Variants in WWOX observed in about 807,000 individuals in gnomAD.
WWOX encodes WW domain containing oxidoreductase, also known as WW domain-containing oxidoreductase.
Under a neutral mutation model 46.2 loss-of-function variants are expected in WWOX, and 69 were observed. That is an observed-to-expected ratio of 1.49 (90% CI 1.23 to 1.82). The LOEUF is 1.82. Among genes scored for constraint, WWOX ranks in the 40% most tolerant of loss-of-function variants. The pLI is 0.00. For missense variants in WWOX, 919 were observed against 542.6 expected (o/e 1.69, Z -6.89); for synonymous variants, 359 against 202.6 (o/e 1.77, Z -6.56).
intron 8 of WWOX, among the ~76,000 whole-genome samples, chr16:78,568,505 G>A (rs561854635): frequency 9.7e-5 from 13 of 134,416 alleles, no homozygotes; most frequent in East Asian, 2.2e-4. Context: ...AGTTGGAGTC[G>A]CACTCTTTCA....
chr16:78,722,830 C>T (rs755487806), intron 8 of WWOX, among the ~76,000 whole-genome samples: 3 of 151,466 alleles, frequency 2.0e-5, no homozygotes, highest in Non-Finnish European at 4.4e-5. Context: ...TGCTTGAGCC[C>T]AGTAGTTCAA....
intron 5 of WWOX, among the ~76,000 whole-genome samples, chr16:78,283,195 C>A (rs1050799738): frequency 6.6e-6 from 1 of 152,162 alleles, no homozygotes; most frequent in African/African-American, 2.4e-5. Context: ...AACATGACAA[C>A]GTGCCTACCT....
At chr16:78,214,214 C>G (rs948327533) in intron 5 of WWOX, among the ~76,000 whole-genome samples, 7 of 152,166 alleles carry the variant, frequency 4.6e-5, no homozygotes, top group African/African-American at 1.7e-4. Context: ...CCCAAAGTCA[C>G]CGCAGCTCCT....
At chr16:78,417,040 G>GTGTGTGTGT (rs1555535317) in intron 6 of WWOX, among the ~76,000 whole-genome samples, 1 of 151,264 alleles carries the variant, frequency 6.6e-6, no homozygotes, top group African/African-American at 2.4e-5. Context: ...ACCCTTTGGG[G>GTGTGTGTGT]GTGTGTGTGT....
At chr16:78,368,850 G>A (rs796354528) in intron 5 of WWOX, among the ~76,000 whole-genome samples, 15 of 152,350 alleles carry the variant, frequency 9.8e-5, no homozygotes, top group African/African-American at 3.6e-4. Context: ...CTGTGCCGGT[G>A]CCCAAACCAG....
chr16:78,523,435 T>C (rs899727312), intron 8 of WWOX, among the ~76,000 whole-genome samples: 5 of 152,172 alleles, frequency 3.3e-5, no homozygotes, highest in Non-Finnish European at 2.9e-5. Flanking sequence ...CATCCGGTAA[T>C]TACCGAATCA....
chr16:78,850,798 G>C (rs1597719832), intron 8 of WWOX, among the ~76,000 whole-genome samples: 1 of 152,172 alleles, frequency 6.6e-6, no homozygotes, highest in East Asian at 1.9e-4. Flanking sequence ...CCTGGTCTTT[G>C]AGCCCCACTG....
intron 8 of WWOX, among the ~76,000 whole-genome samples, chr16:78,473,543 C>T (rs534066672): frequency 6.9e-6 from 1 of 144,832 alleles, no homozygotes; most frequent in African/African-American, 2.8e-5. Context: ...TTTGCCAACA[C>T]CCAGGTGAGC....
At chr16:78,590,541 C>T (rs1158028842) in intron 8 of WWOX, among the ~76,000 whole-genome samples, 1 of 152,198 alleles carries the variant, frequency 6.6e-6, no homozygotes, top group Non-Finnish European at 1.5e-5. Flanking sequence ...ACATTGAAAA[C>T]ACAAAGTGTA....
At chr16:78,361,774 G>A (rs769988389) in intron 5 of WWOX, among the ~76,000 whole-genome samples, 4 of 151,974 alleles carry the variant, frequency 2.6e-5, no homozygotes, top group Non-Finnish European at 5.9e-5. Context: ...ACCATGCCCA[G>A]CTAATTTTTA....
At chr16:78,372,737 A>G (rs1318499827) in intron 5 of WWOX, among the ~76,000 whole-genome samples, 2 of 152,168 alleles carry the variant, frequency 1.3e-5, no homozygotes, top group East Asian at 3.8e-4. Flanking sequence ...TAATTTCTTA[A>G]TAATCTTATA....
chr16:78,643,064 C>T (rs2046757862), intron 8 of WWOX, among the ~76,000 whole-genome samples: 2 of 152,056 alleles, frequency 1.3e-5, no homozygotes, highest in African/African-American at 4.8e-5. Flanking sequence ...TGCTGTTAAC[C>T]CCAACTAGAT....
At chr16:78,774,959 G>C (rs1235122441) in intron 8 of WWOX, among the ~76,000 whole-genome samples, 3 of 152,146 alleles carry the variant, frequency 2.0e-5, no homozygotes, top group Non-Finnish European at 4.4e-5. Flanking sequence ...GCAGATATTT[G>C]TGGTGTATGC....
intron 8 of WWOX, among the ~76,000 whole-genome samples, chr16:78,884,273 CA>C (rs71384384): frequency 0.043 from 1,988 of 46,610 alleles, 29 homozygotes; most frequent in African/African-American, 0.14. Context: ...ACCCTGTCTC[CA>C]AAAAAAAAAA....
intron 6 of WWOX, among the ~76,000 whole-genome samples, chr16:78,417,331 G>C (rs533288186): frequency 6.6e-6 from 1 of 152,096 alleles, no homozygotes; most frequent in African/African-American, 2.4e-5. Flanking sequence ...GAGTCCAAAA[G>C]ATGCTGCTGT....
intron 8 of WWOX, among the ~76,000 whole-genome samples, chr16:79,139,971 T>C (rs1567576943): frequency 6.6e-6 from 1 of 152,198 alleles, no homozygotes; most frequent in African/African-American, 2.4e-5. Flanking sequence ...AGCACCAACA[T>C]TGGTTCAAAC....
At chr16:78,452,878 T>TATATATATATATATATATACATAC (rs752791786) in intron 8 of WWOX, among the ~76,000 whole-genome samples, 14 of 143,108 alleles carry the variant, frequency 9.8e-5, no homozygotes, top group African/African-American at 4.1e-4. Flanking sequence ...TATATATATA[T>TATATATATATATATATATACATAC]ATACATATTT....
chr16:78,178,931 C>G (rs1027622390), intron 5 of WWOX, among the ~76,000 whole-genome samples: 2 of 151,700 alleles, frequency 1.3e-5, no homozygotes, highest in Non-Finnish European at 2.9e-5. Flanking sequence ...CGTGTTTAGT[C>G]TGTAAACGCG....
At chr16:78,743,779 G>T (rs1474021438) in intron 8 of WWOX, among the ~76,000 whole-genome samples, 3 of 152,142 alleles carry the variant, frequency 2.0e-5, no homozygotes, top group Admixed American at 6.5e-5. Context: ...GCATAGGAGT[G>T]TAACTTCTTT....
Sources: allele counts gnomAD v4.1 joint callset (sites outside exome capture counted in the v4.1 genomes callset), GRCh38; gene constraint gnomAD v4.1.1; transcripts MANE v1.5; gene names NCBI Gene and HGNC (gene_info 2026-07-23, HGNC 2026-07-21).